CENPW: variants seen among roughly 807,000 people sequenced by gnomAD.
CENPW encodes the protein cancer-up-regulated gene 2 protein.
In CENPW, 3 loss-of-function variants were observed where a neutral mutation model predicts 11.1. The observed-to-expected ratio is 0.27, with a 90% CI of 0.12 to 0.70. CENPW has a LOEUF of 0.70. CENPW is among the 30% of genes least tolerant of loss of function. CENPW has a pLI of 0.77. For synonymous variants in CENPW, 38 were observed against 42.0 expected, an observed-to-expected ratio of 0.91 and a Z score of 0.37; for missense variants, 100 against 105.6, an observed-to-expected ratio of 0.95 and a Z score of 0.23.
chr6:126,404,854 G>GT, the CENPW span, among the ~76,000 whole-genome samples: 790 of 137,770 alleles, frequency 5.7e-3, 5 homozygotes, highest in African/African-American at 0.016. Context: ...AAGTATTTGG[G>GT]TTTTTTTTTT....
intron 2 of CENPW, 110 bp downstream of exon 2, chr6:126,346,428 A>T (rs1021276825): frequency 3.8e-6 from 2 of 526,168 alleles, no homozygotes; most frequent in Non-Finnish European, 6.7e-6. Flanking sequence ...GATTGAGTCG[A>T]TATTTGGCCT....
the CENPW span, among the ~76,000 whole-genome samples, chr6:126,419,547 G>A: frequency 1.3e-5 from 2 of 152,150 alleles, no homozygotes; most frequent in African/African-American, 2.4e-5. Context: ...CAAGAAAAAT[G>A]TCAGGTAGAG....
the CENPW span, among the ~76,000 whole-genome samples, chr6:126,465,770 A>G: frequency 1.7e-4 from 26 of 152,242 alleles, no homozygotes; most frequent in African/African-American, 6.3e-4. Flanking sequence ...GGAGAATGGG[A>G]AGATTTTCCA....
intron 2 of CENPW, 70 bp downstream of exon 2, chr6:126,346,388 C>A: frequency 1.1e-6 from 1 of 870,006 alleles, no homozygotes; most frequent in Non-Finnish European, 1.8e-6. Flanking sequence ...ATCACCTCTC[C>A]CTGATTTGTA....
At chr6:126,431,754 T>C in the CENPW span, among the ~76,000 whole-genome samples, 1 of 152,066 alleles carries the variant, frequency 6.6e-6, no homozygotes, top group African/African-American at 2.4e-5. Flanking sequence ...GAGAGTGTTA[T>C]GGAGATGGGT....
the CENPW span, among the ~76,000 whole-genome samples, chr6:126,475,401 A>T: frequency 6.6e-6 from 1 of 152,100 alleles, no homozygotes; most frequent in South Asian, 2.1e-4. Context: ...ATAGATACAA[A>T]TTTTTTTAAA....
the CENPW span, among the ~76,000 whole-genome samples, chr6:126,464,707 G>A: frequency 3.3e-5 from 5 of 152,114 alleles, no homozygotes; most frequent in South Asian, 2.1e-4. Context: ...CTACTTTTGC[G>A]ATTTTGGGAC....
chr6:126,354,007 TATTA>T, the CENPW span, among the ~76,000 whole-genome samples: 1 of 152,060 alleles, frequency 6.6e-6, no homozygotes, highest in Non-Finnish European at 1.5e-5. Flanking sequence ...TTCTTAGACA[TATTA>T]ATTATATTTA....
At chr6:126,368,150 T>G in the CENPW span, among the ~76,000 whole-genome samples, 1 of 152,202 alleles carries the variant, frequency 6.6e-6, no homozygotes, top group Non-Finnish European at 1.5e-5. Flanking sequence ...TCCCTCTAGT[T>G]GAAAGATAAC....
the CENPW span, among the ~76,000 whole-genome samples, chr6:126,399,962 G>T: frequency 3.8e-4 from 57 of 151,894 alleles, no homozygotes; most frequent in Non-Finnish European, 5.3e-4. Flanking sequence ...TAATGTTTTT[G>T]TATTTAATTC....
At chr6:126,458,393 C>G in the CENPW span, among the ~76,000 whole-genome samples, 1 of 151,344 alleles carries the variant, frequency 6.6e-6, no homozygotes, top group Non-Finnish European at 1.5e-5. Flanking sequence ...TCTCCTCAAA[C>G]CACAGCATTT....
the CENPW span, among the ~76,000 whole-genome samples, chr6:126,371,535 T>C: frequency 7.9e-5 from 12 of 152,158 alleles, no homozygotes; most frequent in Non-Finnish European, 1.2e-4. Flanking sequence ...TCAAGGATAT[T>C]AGTCTATAGT....
the CENPW span, among the ~76,000 whole-genome samples, chr6:126,394,821 A>G: frequency 6.6e-6 from 1 of 151,304 alleles, no homozygotes; most frequent in African/African-American, 2.4e-5. Context: ...TTTAAACCAG[A>G]TATACTATTC....
the CENPW span, among the ~76,000 whole-genome samples, chr6:126,393,029 A>G: frequency 6.6e-6 from 1 of 151,888 alleles, no homozygotes; most frequent in African/African-American, 2.4e-5. Flanking sequence ...GGTAGGTTGT[A>G]TGTGTCTAGG....
At chr6:126,363,845 A>G in the CENPW span, among the ~76,000 whole-genome samples, 4 of 152,298 alleles carry the variant, frequency 2.6e-5, no homozygotes, top group South Asian at 8.3e-4. Flanking sequence ...CCAATGTCCA[A>G]TTTGCTGCTT....
chr6:126,361,071 GA>G, the CENPW span, among the ~76,000 whole-genome samples: 1 of 152,298 alleles, frequency 6.6e-6, no homozygotes, highest in East Asian at 1.9e-4. Context: ...GGTATAGTTT[GA>G]ATATAGTAAG....
At chr6:126,457,899 T>C in the CENPW span, among the ~76,000 whole-genome samples, 1 of 151,316 alleles carries the variant, frequency 6.6e-6, no homozygotes, top group Admixed American at 6.6e-5. Flanking sequence ...ATTTGGGTCC[T>C]AGAATCAATA....
At chr6:126,477,923 G>A in the CENPW span, among the ~76,000 whole-genome samples, 2 of 151,828 alleles carry the variant, frequency 1.3e-5, no homozygotes, top group Non-Finnish European at 2.9e-5. Flanking sequence ...GCCATGACTT[G>A]AAACTGCTTC....
chr6:126,447,270 T>C, the CENPW span, among the ~76,000 whole-genome samples: 4 of 151,222 alleles, frequency 2.6e-5, no homozygotes, highest in African/African-American at 7.3e-5. Context: ...TAAATAACTT[T>C]ATTAGAATTT....
Sources: allele counts gnomAD v4.1 joint callset (sites outside exome capture counted in the v4.1 genomes callset), GRCh38; gene constraint gnomAD v4.1.1; transcripts MANE v1.5; gene names NCBI Gene and HGNC (gene_info 2026-07-23, HGNC 2026-07-21).